DMRTA2: variants seen among roughly 807,000 people sequenced by gnomAD.
The protein encoded by DMRTA2 is doublesex- and mab-3-related transcription factor A2.
A neutral mutation model predicts 29.7 loss-of-function variants in DMRTA2; 10 were observed. The ratio of observed to expected loss-of-function variants is 0.34; its 90% confidence interval spans 0.21 to 0.57. The LOEUF (loss-of-function observed/expected upper bound fraction) is 0.57, where lower values mean the gene tolerates loss of function less well. DMRTA2 is among the 20% of genes least tolerant of loss of function. The probability of loss-of-function intolerance (pLI) is 0.87; values close to 1 mark genes in which losing one functional copy is unlikely to be tolerated. For synonymous variants in DMRTA2, 469 were observed against 402.6 expected (o/e 1.16, Z -1.97); for missense variants, 783 against 812.1 (o/e 0.96, Z 0.44).
chr1:50,418,991 G>C lies in DMRTA2; in HGVS notation c.1303C>G (p.Arg435Gly). 2.8e-6 allele frequency: 4 copies of C among 1,425,460 alleles called. No homozygotes were observed. The highest frequency in any genetic ancestry group is 1.4e-5 in the South Asian group (1 of 69,432). 88.3% of individuals were successfully genotyped at this position (1,425,460 alleles called of 1,614,324 possible). Residue 435 changes from arginine to glycine, a missense_variant, in exon 3 of 3, where the codon CGC becomes GGC. This residue lies in a region of DMRTA2 where 667 missense variants were observed against 624.8 expected (regional missense o/e 1.07). Coordinates refer to ENST00000404795, the MANE Select transcript of DMRTA2 (RefSeq NM_032110.3). ...GGCTGCAGCGGCGAGAAGGCCGAGCGGCTGCTCAGCGAGCCCAGCGCCCCA... is the reference window on the plus strand; with the variant it reads ...GGCTGCAGCGGCGAGAAGGCCGAGCCGCTGCTCAGCGAGCCCAGCGCCCCA... ...APGALGSLSS[R>G]SAFSPLQPNA...
chr1:50,417,692 C>G lies in DMRTA2; in HGVS notation c.*973G>C, dbSNP rs1183142993. ...GTCCCGGGAGGCGAGGATGGGCCCG[C>G]GAGCGGGCGGTTCTGGCTCAGTCAC... On this transcript the variant is annotated 3_prime_UTR_variant, in exon 3 of 3. Transcript: ENST00000404795. 6.6e-6 allele frequency: 1 copy of G among 152,282 alleles called. No individual in the cohort carries two copies. Among genetic ancestry groups the G allele is most frequent in the Non-Finnish European group, 1.5e-5 (1 of 68,062 alleles). The allele number at this position is 152,282 out of a possible 1,614,324, so 9.4% of individuals were successfully genotyped here.
Position 50,419,185 on chromosome 1 carries a change from T to G in DMRTA2, c.1109A>C (p.Lys370Thr). 7.6e-7 allele frequency: 1 copy of G among 1,313,392 alleles called. No homozygotes were observed. Among genetic ancestry groups the G allele is most frequent in the Admixed American group, 4.0e-5 (1 of 24,848 alleles). 81.4% of individuals were successfully genotyped at this position (1,313,392 alleles called of 1,614,324 possible). ...AGCTGCTGCAGCACCCACGGCGGCC[T>G]TATCTGGGGGCGCCGCAGGGCCCAG... ...AGLGPAAPPD[K>T]AAVGAAAAAD... The change falls in exon 3 of 3, where the codon AAG becomes ACG. Residue 370 changes from lysine to threonine, a missense_variant. Physicochemically the swap from Lys to Thr is moderately conservative, Grantham distance 78. Transcript: ENST00000404795. This position sits in a 1 kb window ranked among gnomAD's most constrained non-coding sequence, Gnocchi z 6.1.
Position 50,422,899 on chromosome 1 carries a change from C to G in DMRTA2, c.-9+217G>C, listed in dbSNP as rs1485970125. 2.0e-5 allele frequency among the ~76,000 whole-genome samples: 3 copies of G among 152,236 alleles called. No individual in the cohort carries two copies. Among genetic ancestry groups the G allele is most frequent in the African/African-American group, 7.2e-5 (3 of 41,474 alleles). ...CAGGCCCAGCTCCCCGCTTCTGCCGCGGTCTCCTCTGCTTCCCGCGTTCCC... is the reference window on the plus strand; with the variant it reads ...CAGGCCCAGCTCCCCGCTTCTGCCGGGGTCTCCTCTGCTTCCCGCGTTCCC... On this transcript the variant is annotated intron_variant, in intron 1 of 2. Transcript: ENST00000404795. The surrounding 1 kb of genome is among the most constrained non-coding windows in gnomAD (Gnocchi z 5.7).
rs779317004 is a variant in DMRTA2 at position 50,418,052 on chromosome 1, G to C, written c.*613C>G. ...ATATATAAAAACACACTGCACCAAG[G>C]AAACCCATGCTTATCGGCATAAGCA... On this transcript the variant is annotated 3_prime_UTR_variant, in exon 3 of 3. Coordinates refer to ENST00000404795, the MANE Select transcript of DMRTA2 (RefSeq NM_032110.3). The C allele has an allele frequency of 2.6e-5, 4 of 151,184 alleles. No homozygotes were observed. Among genetic ancestry groups the C allele is most frequent in the African/African-American group, 9.7e-5 (4 of 41,188 alleles). 9.4% of individuals were successfully genotyped at this position (151,184 alleles called of 1,614,324 possible).
Position 50,421,111 on chromosome 1 carries a change from G to A in DMRTA2, c.426C>T (p.Ala142=). 6.6e-7 allele frequency: 1 copy of A among 1,525,784 alleles called. No homozygotes were observed. The highest frequency in any genetic ancestry group is 8.8e-7 in the Non-Finnish European group (1 of 1,140,868). 94.5% of individuals were successfully genotyped at this position (1,525,784 alleles called of 1,614,324 possible). Residue 142 remains alanine (A), a synonymous_variant, in exon 2 of 3, where the codon GCC becomes GCT. Transcript: ENST00000404795. The surrounding 1 kb of genome is among the most constrained non-coding windows in gnomAD (Gnocchi z 8.7). ...TCGGGGGGATGATGCCGTTGGCGGCGGCCAGCGCCAGCCCCTCGGCAGTGC... is the reference window on the plus strand; with the variant it reads ...TCGGGGGGATGATGCCGTTGGCGGCAGCCAGCGCCAGCCCCTCGGCAGTGC... ...LYGTAEGLAL[A]AANGIIPPRP...
At position 50,419,652 on chromosome 1, in the gene DMRTA2, C is replaced by A; in HGVS notation, c.642G>T (p.Val214=). 6.6e-7 allele frequency: 1 copy of A among 1,503,832 alleles called. No individual in the cohort carries two copies. The highest frequency in any genetic ancestry group is 1.3e-5 in the South Asian group (1 of 75,502). 93.2% of individuals were successfully genotyped at this position (1,503,832 alleles called of 1,614,324 possible). ...CTGCGCCGTCGGGTGATAAGGGCTT[C>A]ACCGGCGGCGGCAGCGGGCTGCCCG... is the stretch of plus-strand genomic sequence containing the variant. ...GRPGSPLPPP[V]KPLSPDGADS... The change falls in exon 3 of 3, where the codon GTG becomes GTT. Residue 214 remains valine (V), a synonymous_variant. Transcript: ENST00000404795. This position sits in a 1 kb window ranked among gnomAD's most constrained non-coding sequence, Gnocchi z 6.1.
In DMRTA2 at chr1:50,420,483, G is replaced by C. The variant is rs947637929; in HGVS notation, c.559+495C>G. Among the ~76,000 whole-genome samples, 1 of 148,220 alleles carries C rather than the reference G, an allele frequency of 6.7e-6. No homozygotes were observed. Among genetic ancestry groups the C allele is most frequent in the South Asian group, 2.1e-4 (1 of 4,816 alleles). On this transcript the variant is annotated intron_variant, in intron 2 of 2. Coordinates refer to ENST00000404795, the MANE Select transcript of DMRTA2 (RefSeq NM_032110.3). This position sits in a 1 kb window ranked among gnomAD's most constrained non-coding sequence, Gnocchi z 4.1. ...TAGAAGGAGGGAGGGCGCAGCAAGCGGTTGTCCAGAGGGCGTTAGGAACGC... is the reference window on the plus strand; with the variant it reads ...TAGAAGGAGGGAGGGCGCAGCAAGCCGTTGTCCAGAGGGCGTTAGGAACGC...
rs1646042605 is a variant in DMRTA2, at chr1:50,422,055, GAGATGTGAAGGCGC to G, written c.-8-525_-8-512del. Among the ~76,000 whole-genome samples, 2 of 152,342 alleles carry G rather than the reference GAGATGTGAAGGCGC, an allele frequency of 1.3e-5. No individual in the cohort carries two copies. Among genetic ancestry groups the G allele is most frequent in the African/African-American group, 4.8e-5 (2 of 41,582 alleles). ...GTTTGGTGGAAGGGTGAAGAGGAGA[GAGATGTGAAGGCGC>G]AGATGTGAAGGCCGGTTGGGCCGGA... is the stretch of plus-strand genomic sequence containing the variant. On this transcript the variant is annotated intron_variant, in intron 1 of 2. Transcript: ENST00000404795. The surrounding 1 kb of genome is among the most constrained non-coding windows in gnomAD (Gnocchi z 5.7).
Position 50,421,453 on chromosome 1 carries a change from CGACGCCACA to C in DMRTA2, c.75_83del (p.Ser31_Ala33del). 5.3e-6 allele frequency: 7 copies of C among 1,326,066 alleles called. No homozygotes were observed. Among genetic ancestry groups the C allele is most frequent in the Non-Finnish European group, 6.7e-6 (7 of 1,043,622 alleles). The allele number at this position is 1,326,066 out of a possible 1,614,324, so 82.1% of individuals were successfully genotyped here. On this transcript the variant is annotated inframe_deletion, in exon 2 of 3. Transcript: ENST00000404795. This position sits in a 1 kb window ranked among gnomAD's most constrained non-coding sequence, Gnocchi z 8.7. The stretch of plus-strand genomic sequence containing the variant: ...CCGCGGCTGCCGCCACCGACGCCAC[CGACGCCACA>C]GGCGGCCCCGTCGCTGTTGCCGCCG...
In DMRTA2 at chr1:50,420,640, G is replaced by A. The variant is rs1477685585; in HGVS notation, c.559+338C>T. 6.6e-6 allele frequency among the ~76,000 whole-genome samples: 1 copy of A among 152,164 alleles called. No homozygotes were observed. Among genetic ancestry groups the A allele is most frequent in the African/African-American group, 2.4e-5 (1 of 41,438 alleles). On this transcript the variant is annotated intron_variant, in intron 2 of 2. Transcript: ENST00000404795. The surrounding 1 kb of genome is among the most constrained non-coding windows in gnomAD (Gnocchi z 4.1). Reference sequence around the variant, plus strand: ...GGGAAAGGGCCTGTGGAGAAGCGCAGAGCGAACGAAGATGCGCAGGTTTCC... The same window carrying A: ...GGGAAAGGGCCTGTGGAGAAGCGCAAAGCGAACGAAGATGCGCAGGTTTCC...
Position 50,418,957 on chromosome 1 carries a change from C to G in DMRTA2, c.1337G>C (p.Ser446Thr), listed in dbSNP as rs1353320385. The change falls in exon 3 of 3, where the codon AGT becomes ACT. Residue 446 changes from serine (S) to threonine (T), a missense_variant. Ser to Thr is a moderately conservative substitution (Grantham distance 58, BLOSUM62 1). This residue lies in a region of DMRTA2 where 667 missense variants were observed against 624.8 expected (regional missense o/e 1.07). Transcript: ENST00000404795. ...SAFSPLQPNASHFGADAGAYP... is the reference protein window; with the variant it reads ...SAFSPLQPNATHFGADAGAYP... ...GGCGCCCGCGTCGGCACCGAAGTGA[C>G]TGGCGTTGGGCTGCAGCGGCGAGAA... The G allele has an allele frequency of 6.9e-6, 10 of 1,451,662 alleles. No individual in the cohort carries two copies. The highest frequency in any genetic ancestry group is 9.0e-6 in the Non-Finnish European group (10 of 1,107,472). 89.9% of individuals were successfully genotyped at this position (1,451,662 alleles called of 1,614,324 possible).
chr1:50,418,258 G>C lies in DMRTA2; in HGVS notation c.*407C>G, dbSNP rs1223522382. On this transcript the variant is annotated 3_prime_UTR_variant, in exon 3 of 3. Transcript: ENST00000404795. ...TTAAATTTTTTAAAAGTGAGGGCTG[G>C]GGAGACACAGAAAAGACTCTCGGAT... 1.2e-5 allele frequency: 2 copies of C among 169,892 alleles called. No homozygotes were observed. Among genetic ancestry groups the C allele is most frequent in the African/African-American group, 4.7e-5 (2 of 42,228 alleles). 10.5% of individuals were successfully genotyped at this position (169,892 alleles called of 1,614,324 possible). A position where few individuals can be genotyped will look rare whatever the true frequency, so the allele number is the denominator to read the frequency against.
Position 50,421,996 on chromosome 1 carries a change from G to T in DMRTA2, c.-8-452C>A, listed in dbSNP as rs1646042132. The stretch of plus-strand genomic sequence containing the variant: ...GGCCCAGAAGTTAGGCTGATGCCAA[G>T]GGCAAAACAGGAAAACCCGGAGCAA... On this transcript the variant is annotated intron_variant, in intron 1 of 2. Coordinates refer to ENST00000404795, the MANE Select transcript of DMRTA2 (RefSeq NM_032110.3). The surrounding 1 kb of genome is among the most constrained non-coding windows in gnomAD (Gnocchi z 8.7). 6.6e-6 allele frequency among the ~76,000 whole-genome samples: 1 copy of T among 152,342 alleles called. No homozygotes were observed. The highest frequency in any genetic ancestry group is 2.1e-4 in the South Asian group (1 of 4,826).
In DMRTA2 at chr1:50,421,618, T is replaced by C; in HGVS notation, c.-8-74A>G. 1 of 1,204,132 alleles carries C rather than the reference T, an allele frequency of 8.3e-7. No individual in the cohort carries two copies. 74.6% of individuals were successfully genotyped at this position (1,204,132 alleles called of 1,614,324 possible). A position where few individuals can be genotyped will look rare whatever the true frequency, so the allele number is the denominator to read the frequency against. On this transcript the variant is annotated intron_variant, in intron 1 of 2. Transcript: ENST00000404795. This position sits in a 1 kb window ranked among gnomAD's most constrained non-coding sequence, Gnocchi z 8.7. ...CCGCGCGCTAGGCCAAAGCGCCGCC[T>C]TGAGGAACCCAAGCTGGAGAGGGAA...
rs1300181838 is a variant in DMRTA2, at chr1:50,418,802, G to T, written c.1492C>A (p.Arg498Ser). ...CTAAAGGCGTAGTCCATGGGTGGGC[G>T]GAAGCCGAGCGTGGGCACCAAGCCG... is the stretch of plus-strand genomic sequence containing the variant. ...TAGLVPTLGF[R>S]PPMDYAFSDL... is the part of the protein sequence containing the mutation. Residue 498 changes from arginine to serine, a missense_variant, in exon 3 of 3, where the codon CGC (arginine) becomes AGC (serine). Transcript: ENST00000404795. 1 of 1,587,922 alleles carries T rather than the reference G, an allele frequency of 6.3e-7. No homozygotes were observed. The highest frequency in any genetic ancestry group is 1.1e-5 in the South Asian group (1 of 87,622).
rs1646045639 is a variant in DMRTA2, at chr1:50,422,417, A to C, written c.-9+699T>G. ...GATGAGCTTCATGGGCAAGGAAAAC[A>C]GTGAAAAGCAGCTGATCTGGGTGTC... On this transcript the variant is annotated intron_variant, in intron 1 of 2. Coordinates refer to ENST00000404795, the MANE Select transcript of DMRTA2 (RefSeq NM_032110.3). The surrounding 1 kb of genome is among the most constrained non-coding windows in gnomAD (Gnocchi z 5.7). Among the ~76,000 whole-genome samples the C allele has an allele frequency of 6.6e-6, 1 of 152,228 alleles. No individual in the cohort carries two copies. Among genetic ancestry groups the C allele is most frequent in the African/African-American group, 2.4e-5 (1 of 41,464 alleles).
rs1007046266 is a variant in DMRTA2 at position 50,423,426 on chromosome 1, C to G, written c.-319G>C. ...GCGCAGCCGGGGCCCAGTTGCCCGG[C>G]GCTGCCAGACTCTCAATGAGCCGCT... On this transcript the variant is annotated 5_prime_UTR_variant, in exon 1 of 3. Transcript: ENST00000404795. 1.3e-5 allele frequency: 2 copies of G among 152,224 alleles called. No homozygotes were observed. The highest frequency in any genetic ancestry group is 4.8e-5 in the African/African-American group (2 of 41,462). 9.4% of individuals were successfully genotyped at this position (152,224 alleles called of 1,614,324 possible).
rs766312249 is a variant in DMRTA2, at chr1:50,419,402, C to T, written c.892G>A (p.Glu298Lys). The T allele has an allele frequency of 6.3e-7, 1 of 1,597,544 alleles. No homozygotes were observed. The highest frequency in any genetic ancestry group is 8.5e-7 in the Non-Finnish European group (1 of 1,179,118). ...SGSEADKEEG[E>K]AAPAPGLGGG... Reference sequence around the variant, plus strand: ...CCCAGCCCTGGCGCCGGCGCGGCCTCACCCTCTTCTTTGTCAGCCTCTGAA... The same window carrying T: ...CCCAGCCCTGGCGCCGGCGCGGCCTTACCCTCTTCTTTGTCAGCCTCTGAA... The change falls in exon 3 of 3, where the codon GAG (glutamate) becomes AAG (lysine). Residue 298 changes from glutamate to lysine, a missense_variant. By Grantham distance (56) the Glu-to-Lys change is moderately conservative. This residue lies in a region of DMRTA2 where 667 missense variants were observed against 624.8 expected (regional missense o/e 1.07). Coordinates refer to ENST00000404795, the MANE Select transcript of DMRTA2 (RefSeq NM_032110.3). This position sits in a 1 kb window ranked among gnomAD's most constrained non-coding sequence, Gnocchi z 6.1.
Position 50,418,925 on chromosome 1 carries a change from G to A in DMRTA2, c.1369C>T (p.Leu457=), listed in dbSNP as rs1163219459. 1 of 1,436,702 alleles carries A rather than the reference G, an allele frequency of 7.0e-7. No homozygotes were observed. The highest frequency in any genetic ancestry group is 9.1e-7 in the Non-Finnish European group (1 of 1,101,220). The allele number at this position is 1,436,702 out of a possible 1,614,324, so 89.0% of individuals were successfully genotyped here. ...GGGCTGAGGCCGAGCGGCGCGCCCAGCGGGTAGGCGCCCGCGTCGGCACCG... is the reference window on the plus strand; with the variant it reads ...GGGCTGAGGCCGAGCGGCGCGCCCAACGGGTAGGCGCCCGCGTCGGCACCG... ...HFGADAGAYP[L]GAPLGLSPLR... is the part of the protein sequence containing the mutation. Residue 457 remains leucine (L), a synonymous_variant, in exon 3 of 3, where the codon CTG becomes TTG. Transcript: ENST00000404795.
Sources: allele counts gnomAD v4.1 joint callset (sites outside exome capture counted in the v4.1 genomes callset), GRCh38; gene constraint gnomAD v4.1.1; regional missense constraint gnomAD v4.1.1; non-coding constraint Gnocchi (gnomAD v3.1); transcripts MANE v1.5; gene names NCBI Gene and HGNC (gene_info 2026-07-23, HGNC 2026-07-21).